TBC1D32: variants seen among roughly 807,000 people sequenced by gnomAD.
TBC1D32 encodes the protein TBC1 domain family member 32.
TBC1D32 carries 151 observed loss-of-function variants against 170.3 expected under a neutral mutation model. The observed-to-expected ratio is 0.89, with a 90% CI of 0.78 to 1.01. The LOEUF (loss-of-function observed/expected upper bound fraction) is 1.01, where lower values mean the gene tolerates loss of function less well. Ranked by LOEUF, TBC1D32 falls within the 50% of genes least tolerant of loss-of-function variation. TBC1D32 has a pLI of 0.00. For missense variants in TBC1D32, 1,464 were observed against 1,457.1 expected (o/e 1.00, Z -0.08); for synonymous variants, 498 against 488.0 (o/e 1.02, Z -0.27).
At chr6:121,310,026 C>G (rs1282102151) in intron 4 of TBC1D32, among the ~76,000 whole-genome samples, 1 of 151,594 alleles carries the variant, frequency 6.6e-6, no homozygotes, top group African/African-American at 2.4e-5. Flanking sequence ...CAGAGTAAGA[C>G]CCTATCTTAA....
chr6:121,169,699 T>C (rs763119881), intron 22 of TBC1D32, among the ~76,000 whole-genome samples: 1 of 152,100 alleles, frequency 6.6e-6, no homozygotes, highest in African/African-American at 2.4e-5. Context: ...CTGTTAATCT[T>C]TTCCTTCTAC....
intron 30 of TBC1D32, among the ~76,000 whole-genome samples, chr6:121,091,326 T>A (rs1264780511): frequency 6.6e-6 from 1 of 152,164 alleles, no homozygotes. Context: ...ATTGTGCTCC[T>A]CTTACCCAAA....
At chr6:121,119,718 ATC>A (rs1202070261) in intron 26 of TBC1D32, among the ~76,000 whole-genome samples, 2 of 152,148 alleles carry the variant, frequency 1.3e-5, no homozygotes, top group African/African-American at 4.8e-5. Context: ...GCAGAAGTTT[ATC>A]TGTTTGTTCT....
chr6:121,170,421 T>G (rs1331028675), intron 22 of TBC1D32: 1 of 1,602,280 alleles, frequency 6.2e-7, no homozygotes. Context: ...CTCTCAGAAA[T>G]CTCCAAGATA....
intron 1 of TBC1D32, 62 bp downstream of exon 1, chr6:121,334,214 C>T (rs1369887164): frequency 1.4e-6 from 2 of 1,388,528 alleles, no homozygotes; most frequent in South Asian, 1.3e-5. Flanking sequence ...CACTGTTGAC[C>T]CTTCTCTGGA....
intron 24 of TBC1D32, among the ~76,000 whole-genome samples, chr6:121,158,318 T>C (rs1317766956): frequency 6.6e-6 from 1 of 152,204 alleles, no homozygotes; most frequent in African/African-American, 2.4e-5. Flanking sequence ...GGACTAATTA[T>C]GAAATTCTTA....
rs1379687214 is a variant in TBC1D32, at chr6:121,281,589, T to C, written c.1563A>G (p.Ile521Met). 9 of 1,607,780 alleles carry C rather than the reference T, an allele frequency of 5.6e-6. No individual in the cohort carries two copies. Among genetic ancestry groups the C allele is most frequent in the East Asian group, 4.5e-5 (2 of 44,474 alleles). Residue 521 changes from isoleucine (I) to methionine (M), a missense_variant, in exon 14 of 32, where the codon ATA (isoleucine) becomes ATG (methionine). Transcript: ENST00000398212. ...AVECLYNNIV[I>M]ETLLQPIHNL... ...TGTGAATAGGCTGAAGAAGTGTCTC[T>C]ATTACAATGTTGTTATATAAGCATT...
chr6:121,106,494 T>A (rs1273104692), intron 29 of TBC1D32, among the ~76,000 whole-genome samples: 1 of 152,022 alleles, frequency 6.6e-6, no homozygotes, highest in Non-Finnish European at 1.5e-5. Flanking sequence ...CACATATAAG[T>A]GAGTACACGA....
At chr6:121,300,365 T>C (rs920078137) in intron 9 of TBC1D32, among the ~76,000 whole-genome samples, 1 of 152,106 alleles carries the variant, frequency 6.6e-6, no homozygotes, top group African/African-American at 2.4e-5. Context: ...AAGAATCGCT[T>C]GAACCCAGGA....
chr6:121,182,647 T>C (rs963329593), intron 22 of TBC1D32, among the ~76,000 whole-genome samples: 8 of 151,964 alleles, frequency 5.3e-5, no homozygotes, highest in Admixed American at 5.3e-4. Flanking sequence ...TAAGGCTAGG[T>C]TTACAAAGTG....
chr6:121,142,534 GA>G (rs769311089), intron 24 of TBC1D32, among the ~76,000 whole-genome samples: 47 of 152,166 alleles, frequency 3.1e-4, no homozygotes, highest in Non-Finnish European at 6.3e-4. Context: ...AGGTCATCCT[GA>G]ATAAACATTA....
intron 20 of TBC1D32, among the ~76,000 whole-genome samples, chr6:121,235,023 T>A (rs1023890361): frequency 6.6e-6 from 1 of 152,124 alleles, no homozygotes; most frequent in Non-Finnish European, 1.5e-5. Flanking sequence ...TCTGGGCTGG[T>A]AGTAGGGAGT....
At position 121,199,653 on chromosome 6, in the gene TBC1D32, A is replaced by G. The variant is rs377722412; in HGVS notation, c.2570+5422T>C. Reference sequence around the variant, plus strand: ...TGTGTGTATATGTATATATGTATACATGTGTATATAAAATCTAAAATATGG... The same window carrying G: ...TGTGTGTATATGTATATATGTATACGTGTGTATATAAAATCTAAAATATGG... On this transcript the variant is annotated intron_variant, in intron 22 of 31. Transcript: ENST00000398212. Among the ~76,000 whole-genome samples, 3 of 151,294 alleles carry G rather than the reference A, an allele frequency of 2.0e-5. No homozygotes were observed. In the South Asian group the frequency reaches 6.2e-4, roughly 31 times the overall value.
At chr6:121,304,269 G>A in intron 8 of TBC1D32, 96 bp downstream of exon 8, 1 of 1,074,240 alleles carries the variant, frequency 9.3e-7, no homozygotes, top group South Asian at 1.6e-5. Context: ...AATCAGGTAA[G>A]TCCATTAAGA....
intron 31 of TBC1D32, among the ~76,000 whole-genome samples, chr6:121,089,651 C>T (rs1425284421): frequency 2.6e-5 from 4 of 151,626 alleles, no homozygotes; most frequent in Non-Finnish European, 4.4e-5. Context: ...TGATATATAT[C>T]GAAAGTTTAA....
chr6:121,289,831 C>T (rs1804537456), intron 12 of TBC1D32, among the ~76,000 whole-genome samples: 1 of 152,066 alleles, frequency 6.6e-6, no homozygotes, highest in South Asian at 2.1e-4. Context: ...ACAGAGCCCT[C>T]AGAAATAATG....
intron 1 of TBC1D32, among the ~76,000 whole-genome samples, chr6:121,330,974 T>C (rs979908906): frequency 6.6e-6 from 1 of 152,144 alleles, no homozygotes; most frequent in Admixed American, 6.5e-5. Flanking sequence ...CAGTTTACTG[T>C]AGAAAAAGAG....
At chr6:121,189,325 TC>T (rs1789628444) in intron 22 of TBC1D32, among the ~76,000 whole-genome samples, 1 of 152,048 alleles carries the variant, frequency 6.6e-6, no homozygotes, top group Non-Finnish European at 1.5e-5. Context: ...GCCCTGAGAC[TC>T]ACAGGATTTC....
chr6:121,249,147 T>C (rs1797981781), intron 17 of TBC1D32, among the ~76,000 whole-genome samples: 3 of 151,734 alleles, frequency 2.0e-5, no homozygotes, highest in Admixed American at 6.6e-5. Flanking sequence ...GTAGGGATGG[T>C]TTAACATACA....
Sources: gnomAD v4.1 joint callset for allele counts (sites outside exome capture counted in the v4.1 genomes callset) on GRCh38, gnomAD v4.1.1 for gene constraint, MANE v1.5 for transcripts, NCBI Gene and HGNC (gene_info 2026-07-23, HGNC 2026-07-21) for gene names.